The following MECOM variants were observed in gnomAD, a reference collection of about 807,000 sequenced individuals.
MECOM encodes histone-lysine N-methyltransferase MECOM.
Under a neutral mutation model 116.3 loss-of-function variants are expected in MECOM, and 13 were observed. The observed-to-expected ratio is 0.11, with a 90% CI of 0.07 to 0.18. The LOEUF (loss-of-function observed/expected upper bound fraction) is 0.18, where lower values mean the gene tolerates loss of function less well. MECOM is among the 10% of genes least tolerant of loss of function. MECOM has a pLI of 1.00. For synonymous variants in MECOM, 528 were observed against 535.2 expected (o/e 0.99, Z 0.19); for missense variants, 1,299 against 1,509.0 (o/e 0.86, Z 2.31).
At chr3:169,147,253 G>A (rs1307205226) in intron 2 of MECOM, 6 of 985,460 alleles carry the variant, frequency 6.1e-6, no homozygotes, top group East Asian at 1.1e-4. Context: ...AAGGTGGGGG[G>A]CCTGGGGAGG....
At chr3:169,599,918 C>T (rs1293109757) in intron 1 of MECOM, among the ~76,000 whole-genome samples, 1 of 152,120 alleles carries the variant, frequency 6.6e-6, no homozygotes, top group African/African-American at 2.4e-5. Flanking sequence ...TAACACTATG[C>T]CAGTTGAAGA....
intron 2 of MECOM, among the ~76,000 whole-genome samples, chr3:169,180,802 T>C (rs923668812): frequency 7.0e-6 from 1 of 142,514 alleles, no homozygotes; most frequent in African/African-American, 2.5e-5. Context: ...ATGATATATA[T>C]ATATATATAT....
intron 1 of MECOM, among the ~76,000 whole-genome samples, chr3:169,386,161 A>G (rs971857981): frequency 2.6e-5 from 4 of 152,196 alleles, no homozygotes; most frequent in African/African-American, 4.8e-5. Context: ...AATAACTACC[A>G]TAGGTTTCCA....
At chr3:169,649,364 A>G (rs6791024) in intron 1 of MECOM, among the ~76,000 whole-genome samples, 33,704 of 136,838 alleles carry the variant, frequency 0.25, 7,917 homozygotes, top group African/African-American at 0.63. Context: ...AGCCAAGATC[A>G]CGCCATTGCA....
intron 1 of MECOM, among the ~76,000 whole-genome samples, chr3:169,642,499 G>T: frequency 6.6e-6 from 1 of 150,582 alleles, no homozygotes; most frequent in East Asian, 1.9e-4. Context: ...TGTAGGGTAG[G>T]TTCTTAAGCC....
At chr3:169,411,108 A>C (rs1387893002) in intron 1 of MECOM, among the ~76,000 whole-genome samples, 1 of 152,170 alleles carries the variant, frequency 6.6e-6, no homozygotes, top group Non-Finnish European at 1.5e-5. Flanking sequence ...TATGCTAACA[A>C]ATGTGGAAAG....
chr3:169,651,986 G>C (rs888582517), intron 1 of MECOM, among the ~76,000 whole-genome samples: 2 of 151,964 alleles, frequency 1.3e-5, no homozygotes, highest in Non-Finnish European at 2.9e-5. Context: ...AAATTATTGT[G>C]TATAAATTTT....
chr3:169,086,004 A>C (rs1717602614), intron 16 of MECOM, among the ~76,000 whole-genome samples: 1 of 152,204 alleles, frequency 6.6e-6, no homozygotes, highest in South Asian at 2.1e-4. Context: ...TCTGTAAACA[A>C]AGACAAAATG....
chr3:169,147,035 A>G, intron 2 of MECOM: 2 of 991,254 alleles, frequency 2.0e-6, no homozygotes, highest in Non-Finnish European at 2.4e-6. Context: ...CGTCTGGGTG[A>G]CCCGGGTTTG....
rs1331763649 is a variant in MECOM at position 169,085,117 on chromosome 3, G to A, written c.3586-74C>T. 4 of 1,581,384 alleles carry A rather than the reference G, an allele frequency of 2.5e-6. No individual in the cohort carries two copies. In the South Asian group the frequency reaches 3.4e-5, roughly 13 times the overall value. On this transcript the variant is annotated intron_variant, in intron 16 of 16. Transcript: ENST00000651503. ...ACTTTTAGTTCAAAGAATATTGTTGGTAAATGGAAAGGGATGGGACCCTGA... is the reference window on the plus strand; with the variant it reads ...ACTTTTAGTTCAAAGAATATTGTTGATAAATGGAAAGGGATGGGACCCTGA...
At chr3:169,264,477 A>C (rs570269951) in intron 2 of MECOM, among the ~76,000 whole-genome samples, 1 of 152,168 alleles carries the variant, frequency 6.6e-6, no homozygotes, top group Non-Finnish European at 1.5e-5. Context: ...AAATCAATTA[A>C]AAAAAAGCGA....
At chr3:169,559,046 G>GCGCACA (rs1553885901) in intron 1 of MECOM, among the ~76,000 whole-genome samples, 10 of 148,392 alleles carry the variant, frequency 6.7e-5, no homozygotes, top group African/African-American at 2.5e-4. Flanking sequence ...ACACACACGC[G>GCGCACA]CACACACACA....
intron 2 of MECOM, among the ~76,000 whole-genome samples, chr3:169,290,406 T>C (rs9848313): frequency 0.21 from 32,582 of 152,146 alleles, 8,522 homozygotes; most frequent in African/African-American, 0.62. Context: ...AAATATTTCA[T>C]GAATTGCTCT....
intron 2 of MECOM, among the ~76,000 whole-genome samples, chr3:169,349,812 G>A (rs1296836092): frequency 6.6e-6 from 1 of 151,734 alleles, no homozygotes; most frequent in Non-Finnish European, 1.5e-5. Context: ...ATATGAGACA[G>A]GGACTCAGTC....
chr3:169,381,641 C>G, intron 1 of MECOM, 117 bp from the exon 2 acceptor site: 2 of 757,376 alleles, frequency 2.6e-6, no homozygotes, highest in Non-Finnish European at 4.1e-6. Flanking sequence ...ACCATTGTTA[C>G]GATGTGCCTT....
At chr3:169,583,787 A>G (rs1469888575) in intron 1 of MECOM, among the ~76,000 whole-genome samples, 1 of 134,722 alleles carries the variant, frequency 7.4e-6, no homozygotes, top group East Asian at 2.4e-4. Flanking sequence ...TTTTTTTTTT[A>G]AGAAACGAAG....
chr3:169,194,797 T>C (rs183624501), intron 2 of MECOM, among the ~76,000 whole-genome samples: 72 of 152,154 alleles, frequency 4.7e-4, no homozygotes, highest in African/African-American at 1.7e-3. Context: ...TCCGCCAAAG[T>C]AGTATCAGAC....
Position 169,122,620 on chromosome 3 carries a change from T to C in MECOM, c.938A>G (p.His313Arg), listed in dbSNP as rs755895307. The change falls in exon 6 of 17, where the codon CAT (histidine) becomes CGT (arginine). Residue 313 changes from histidine (H) to arginine (R), a missense_variant. By Grantham distance (29) the His-to-Arg change is conservative. This residue lies in a region of MECOM where 374 missense variants were observed against 433.4 expected (regional missense o/e 0.86). Transcript: ENST00000651503. ...KSNLIRHQMS[H>R]DSGKHYECEN... Reference sequence around the variant, plus strand: ...ACATTCATAGTGCTTTCCACTGTCATGTGACATCTGGTGGCGAATTAAATT... The same window carrying C: ...ACATTCATAGTGCTTTCCACTGTCACGTGACATCTGGTGGCGAATTAAATT... 1.9e-6 allele frequency: 3 copies of C among 1,614,086 alleles called. No homozygotes were observed. Among genetic ancestry groups the C allele is most frequent in the Middle Eastern group, 1.6e-4 (1 of 6,062 alleles).
rs140383287 is a variant in MECOM at position 169,555,676 on chromosome 3, G to A, written c.37+107660C>T. ...CTCAGAAGGTGTCTCCCAAGTTTTC[G>A]AGGTACCATTTTTCTCTGGTTACCT... On this transcript the variant is annotated intron_variant, in intron 1 of 16. Transcript: ENST00000651503. 2.2e-4 allele frequency among the ~76,000 whole-genome samples: 34 copies of A among 152,240 alleles called. No individual in the cohort carries two copies. In the Middle Eastern group the frequency reaches 0.01, roughly 46 times the overall value.
Sources: allele counts gnomAD v4.1 joint callset (sites outside exome capture counted in the v4.1 genomes callset), GRCh38; gene constraint gnomAD v4.1.1; regional missense constraint gnomAD v4.1.1; transcripts MANE v1.5; gene names NCBI Gene and HGNC (gene_info 2026-07-23, HGNC 2026-07-21).